TMPRSS7: variants seen among roughly 807,000 people sequenced by gnomAD.
The protein encoded by TMPRSS7 is transmembrane protease serine 7.
A neutral mutation model predicts 95.6 loss-of-function variants in TMPRSS7; 81 were observed. The ratio of observed to expected loss-of-function variants is 0.85; its 90% confidence interval spans 0.71 to 1.02. The LOEUF (loss-of-function observed/expected upper bound fraction) is 1.02. Ranked by LOEUF, TMPRSS7 falls within the 50% of genes least tolerant of loss-of-function variation. The probability of loss-of-function intolerance (pLI) is 0.00; values close to 1 mark genes in which losing one functional copy is unlikely to be tolerated. For synonymous variants in TMPRSS7, 364 were observed against 337.8 expected (o/e 1.08, Z -0.85); for missense variants, 945 against 955.2 (o/e 0.99, Z 0.14).
intron 1 of TMPRSS7, among the ~76,000 whole-genome samples, chr3:112,035,800 A>C (rs1009024174): frequency 1.3e-5 from 2 of 152,244 alleles, no homozygotes; most frequent in Non-Finnish European, 2.9e-5. Context: ...GGAGGAAGGG[A>C]AACAATTAAA....
chr3:112,047,261 T>A, intron 6 of TMPRSS7: 1 of 601,876 alleles, frequency 1.7e-6, no homozygotes, highest in Non-Finnish European at 3.0e-6. Context: ...TCTGCATCTC[T>A]GCCTACTTCT....
chr3:112,052,121 A>G (rs2073368263), intron 9 of TMPRSS7, among the ~76,000 whole-genome samples: 1 of 152,038 alleles, frequency 6.6e-6, no homozygotes, highest in Non-Finnish European at 1.5e-5. Flanking sequence ...AATGCTATGG[A>G]GAAAAATAAA....
intron 4 of TMPRSS7, 23 bp from the exon 5 acceptor site, chr3:112,045,727 T>G (rs1559953488): frequency 6.5e-7 from 1 of 1,532,664 alleles, no homozygotes; most frequent in Non-Finnish European, 8.8e-7. Context: ...AGGTCCCTGA[T>G]GATCTCTCTT....
chr3:112,047,151 A>G, intron 6 of TMPRSS7, 139 bp downstream of exon 6: 2 of 637,154 alleles, frequency 3.1e-6, no homozygotes, highest in East Asian at 2.7e-5. Flanking sequence ...CCTTAAGCAC[A>G]AAAGAAACTT....
intron 12 of TMPRSS7, 97 bp from the exon 13 acceptor site, chr3:112,066,295 C>T: frequency 3.0e-6 from 3 of 996,884 alleles, no homozygotes; most frequent in South Asian, 3.0e-5. Flanking sequence ...ATAGGTCATC[C>T]TAATGATTTG....
intron 9 of TMPRSS7, among the ~76,000 whole-genome samples, chr3:112,053,061 G>T (rs1244883614): frequency 6.6e-6 from 1 of 152,098 alleles, no homozygotes; most frequent in Non-Finnish European, 1.5e-5. Context: ...CCTCCTCAGT[G>T]TAGAGGTTAA....
At chr3:112,075,272 T>A in intron 14 of TMPRSS7, 49 bp from the exon 15 acceptor site, 1 of 1,359,620 alleles carries the variant, frequency 7.4e-7, no homozygotes, top group Non-Finnish European at 9.6e-7. Context: ...TAACTTCTAG[T>A]TTTTCTTCCA....
intron 6 of TMPRSS7, 175 bp from the exon 7 acceptor site, chr3:112,047,563 AG>A (rs2073295269): frequency 3.0e-6 from 2 of 665,626 alleles, no homozygotes; most frequent in East Asian, 5.6e-5. Context: ...GAGTGTGGAT[AG>A]TTTCTAAAGG....
At chr3:112,064,776 ATC>A (rs2073553985) in intron 12 of TMPRSS7, among the ~76,000 whole-genome samples, 1 of 152,172 alleles carries the variant, frequency 6.6e-6, no homozygotes, top group African/African-American at 2.4e-5. Context: ...TGGGTGGAGA[ATC>A]TCTGTCTTAA....
At chr3:112,050,889 A>G in intron 9 of TMPRSS7, 106 bp downstream of exon 9, 1 of 571,704 alleles carries the variant, frequency 1.7e-6, no homozygotes, top group Non-Finnish European at 3.0e-6. Context: ...TAATTTTATA[A>G]AATTTCAGTA....
intron 9 of TMPRSS7, among the ~76,000 whole-genome samples, chr3:112,056,348 T>C (rs145030530): frequency 0.016 from 2,477 of 152,322 alleles, 32 homozygotes; most frequent in Non-Finnish European, 0.021. Context: ...CTCTCTTAAA[T>C]ATAAAAATTC....
At chr3:112,043,527 G>T (rs771673623) in intron 3 of TMPRSS7, among the ~76,000 whole-genome samples, 25 of 152,148 alleles carry the variant, frequency 1.6e-4, no homozygotes, top group Non-Finnish European at 2.9e-4. Context: ...AAATTTCACA[G>T]CTTATATTGT....
chr3:112,045,931 G>C, exon 5 of TMPRSS7: 1 of 1,550,802 alleles, frequency 6.4e-7, no homozygotes, highest in Non-Finnish European at 8.7e-7. Flanking sequence ...CATGGACTCT[G>C]TGGTACTAAA....
intron 4 of TMPRSS7, 75 bp from the exon 5 acceptor site, chr3:112,045,675 T>G (rs1193684167): frequency 7.1e-7 from 1 of 1,411,702 alleles, no homozygotes; most frequent in Non-Finnish European, 9.5e-7. Flanking sequence ...GGCCTTACCT[T>G]GAATCCATCA....
intron 11 of TMPRSS7, 54 bp from the exon 12 acceptor site, chr3:112,063,471 G>A (rs890270622): frequency 5.0e-6 from 7 of 1,395,392 alleles, no homozygotes; most frequent in African/African-American, 2.8e-5. Flanking sequence ...GTGGTCTAGT[G>A]ATTTCAGGGA....
chr3:112,071,474 T>C (rs2073644909), intron 13 of TMPRSS7, among the ~76,000 whole-genome samples: 1 of 152,226 alleles, frequency 6.6e-6, no homozygotes, highest in Non-Finnish European at 1.5e-5. Flanking sequence ...CTGTATTTCC[T>C]GAATTTGAAT....
At chr3:112,035,049 T>G (rs536632802) in intron 1 of TMPRSS7, among the ~76,000 whole-genome samples, 156 bp downstream of exon 1, 15 of 152,334 alleles carry the variant, frequency 9.8e-5, no homozygotes, top group African/African-American at 3.6e-4. Flanking sequence ...AATGTGAGCT[T>G]ATTATAAAGT....
intron 2 of TMPRSS7, chr3:112,039,672 A>G (rs1273966556): frequency 6.6e-6 from 1 of 152,226 alleles, no homozygotes; most frequent in Non-Finnish European, 1.5e-5. Flanking sequence ...CTCCTACTCT[A>G]GAGACCCTTC....
chr3:112,047,817 G>A, exon 7 of TMPRSS7: 2 of 1,614,146 alleles, frequency 1.2e-6, no homozygotes, highest in Non-Finnish European at 1.7e-6. Flanking sequence ...GCCTCAGGGA[G>A]GCTGATGTGT....
Sources: gnomAD v4.1 joint callset for allele counts (sites outside exome capture counted in the v4.1 genomes callset) on GRCh38, gnomAD v4.1.1 for gene constraint, MANE v1.5 for transcripts, NCBI Gene and HGNC (gene_info 2026-07-23, HGNC 2026-07-21) for gene names.